Variants in ARHGAP6 observed in about 807,000 individuals in gnomAD.
The protein encoded by ARHGAP6 is Rho GTPase activating protein 6, also known as rho GTPase-activating protein 6.
A neutral mutation model predicts 55.7 loss-of-function variants in ARHGAP6; 16 were observed. The observed-to-expected ratio is 0.29, with a 90% confidence interval of 0.19 to 0.44. The LOEUF (loss-of-function observed/expected upper bound fraction) is 0.44. Ranked by LOEUF, ARHGAP6 falls within the 20% of genes least tolerant of loss-of-function variation. The pLI is 1.00. For missense variants in ARHGAP6, 698 were observed against 808.9 expected, an observed-to-expected ratio of 0.86 and a Z score of 1.66; for synonymous variants, 382 against 360.9, an observed-to-expected ratio of 1.06 and a Z score of -0.66.
At chrX:11,229,320 G>T (rs1254519510) in intron 2 of ARHGAP6, among the ~76,000 whole-genome samples, 1 of 112,144 alleles carries the variant, frequency 8.9e-6, no homozygotes, top group Non-Finnish European at 1.9e-5. Context: ...ATAAATGTCA[G>T]TGCTGAGCCA....
intron 1 of ARHGAP6, among the ~76,000 whole-genome samples, chrX:11,446,863 T>C (rs2050097581): frequency 8.9e-6 from 1 of 111,798 alleles, no homozygotes; most frequent in Non-Finnish European, 1.9e-5. Context: ...AGAACGACAT[T>C]GAGTCTCACA....
chrX:11,395,540 A>G (rs2049466788), intron 1 of ARHGAP6, among the ~76,000 whole-genome samples: 1 of 112,188 alleles, frequency 8.9e-6, no homozygotes, highest in Non-Finnish European at 1.9e-5. Flanking sequence ...GACACAGGAC[A>G]TGCAGTTAGG....
intron 2 of ARHGAP6, among the ~76,000 whole-genome samples, chrX:11,217,079 T>C (rs1302777629): frequency 8.9e-6 from 1 of 112,338 alleles, no homozygotes; most frequent in African/African-American, 3.2e-5. Flanking sequence ...TATTCCATGA[T>C]GTATATATGC....
At chrX:11,541,260 T>A (rs2051154920) in intron 1 of ARHGAP6, among the ~76,000 whole-genome samples, 1 of 111,053 alleles carries the variant, frequency 9.0e-6, no homozygotes, top group Non-Finnish European at 1.9e-5. Context: ...AAGGAATGGG[T>A]GAGGCAGGGC....
intron 10 of ARHGAP6, among the ~76,000 whole-genome samples, chrX:11,145,585 T>C (rs1310722256): frequency 8.9e-6 from 1 of 112,052 alleles, no homozygotes; most frequent in Admixed American, 9.4e-5. Context: ...CAAGATCTCA[T>C]TGAGTGGTTG....
chrX:11,520,194 G>A (rs2050903454), intron 1 of ARHGAP6, among the ~76,000 whole-genome samples: 1 of 66,284 alleles, frequency 1.5e-5, no homozygotes, highest in African/African-American at 5.9e-5. Flanking sequence ...TAAGTTCTAG[G>A]GTACATGTGC....
chrX:11,352,611 T>A (rs1278727021), intron 1 of ARHGAP6, among the ~76,000 whole-genome samples: 2 of 111,659 alleles, frequency 1.8e-5, no homozygotes, highest in African/African-American at 6.5e-5. Context: ...GTCCTCCATG[T>A]AGGGGGTCAG....
At chrX:11,184,064 AG>A (rs1429384259) in intron 5 of ARHGAP6, among the ~76,000 whole-genome samples, 2 of 112,004 alleles carry the variant, frequency 1.8e-5, no homozygotes, top group Admixed American at 9.5e-5. Context: ...CAGCAAACAG[AG>A]GACACTCATG....
intron 3 of ARHGAP6, among the ~76,000 whole-genome samples, chrX:11,189,804 C>A (rs1476670867): frequency 3.6e-5 from 4 of 112,334 alleles, no homozygotes. Flanking sequence ...TTCTGAATTT[C>A]TGTCGTAAAT....
At chrX:11,307,579 C>CTTGGGATCAACTTGTT (rs1364498597) in intron 1 of ARHGAP6, among the ~76,000 whole-genome samples, 2 of 112,650 alleles carry the variant, frequency 1.8e-5, no homozygotes, top group African/African-American at 6.5e-5. Flanking sequence ...TGATTAGGAA[C>CTTGGGATCAACTTGTT]TTGGGATCAA....
At chrX:11,297,041 T>C (rs1200397342) in intron 1 of ARHGAP6, among the ~76,000 whole-genome samples, 1 of 111,535 alleles carries the variant, frequency 9.0e-6, no homozygotes, top group Non-Finnish European at 1.9e-5. Flanking sequence ...ACTCAGTCTG[T>C]CCTCCTAAAT....
chrX:11,509,883 G>A (rs1463804547), intron 1 of ARHGAP6, among the ~76,000 whole-genome samples: 1 of 111,877 alleles, frequency 8.9e-6, no homozygotes, highest in Non-Finnish European at 1.9e-5. Flanking sequence ...TCAGGAAAAG[G>A]TCCAGTGGTT....
intron 1 of ARHGAP6, chrX:11,298,213 T>C: frequency 8.3e-7 from 1 of 1,210,765 alleles, no homozygotes; most frequent in Non-Finnish European, 1.1e-6. Flanking sequence ...ATCAAATGGG[T>C]TCTAATATCT....
chrX:11,659,449 AAAG>A (rs59375006), intron 1 of ARHGAP6, among the ~76,000 whole-genome samples: 15,373 of 110,530 alleles, frequency 0.14, 995 homozygotes, highest in Middle Eastern at 0.26. Context: ...AGGGTATTTA[AAAG>A]AAGCATCCCT....
At chrX:11,518,757 T>C (rs2050876682) in intron 1 of ARHGAP6, among the ~76,000 whole-genome samples, 1 of 99,392 alleles carries the variant, frequency 1.0e-5, no homozygotes, top group Non-Finnish European at 2.0e-5. Context: ...TAGCATTAGG[T>C]ATATCTCCTA....
At chrX:11,428,298 C>T (rs112528045) in intron 1 of ARHGAP6, among the ~76,000 whole-genome samples, 3,202 of 111,480 alleles carry the variant, frequency 0.029, 63 homozygotes, top group Non-Finnish European at 0.048. Context: ...CCCAGGAGAA[C>T]TGCTGCGGGG....
rs774547900 is a variant in ARHGAP6, at chrX:11,664,658, C to T, written c.171G>A (p.Ala57=). 10 of 1,160,760 alleles carry T rather than the reference C, an allele frequency of 8.6e-6. No individual in the cohort carries two copies. In the Middle Eastern group the frequency reaches 7.8e-4, roughly 90 times the overall value. Residue 57 remains alanine, a synonymous_variant, in exon 1 of 13, where the codon GCG becomes GCA. Transcript: ENST00000337414. ...AGAGGCGGCCCGCCGTGGCTCCCCG[C>T]GCACTGCCCTCCGCGCCCGCCTCGT... ...GSDEAGAEGS[A]RGATAGRLYS...
chrX:11,232,744 T>C (rs2047151392), intron 2 of ARHGAP6, among the ~76,000 whole-genome samples: 1 of 112,647 alleles, frequency 8.9e-6, no homozygotes, highest in African/African-American at 3.2e-5. Flanking sequence ...GGCAAGTGCC[T>C]ACTTACTCTT....
At chrX:11,472,248 C>CA (rs1210811358) in intron 1 of ARHGAP6, among the ~76,000 whole-genome samples, 2 of 111,332 alleles carry the variant, frequency 1.8e-5, no homozygotes, top group Non-Finnish European at 3.8e-5. Context: ...GTTGTAAGAA[C>CA]AAAAAAATCT....
Sources: allele counts gnomAD v4.1 joint callset (sites outside exome capture counted in the v4.1 genomes callset), GRCh38; gene constraint gnomAD v4.1.1; transcripts MANE v1.5; gene names NCBI Gene and HGNC (gene_info 2026-07-23, HGNC 2026-07-21).